SLCO2B1: variants seen among roughly 807,000 people sequenced by gnomAD.
SLCO2B1 encodes solute carrier organic anion transporter family member 2B1, also known as OATP-RP2.
Under a neutral mutation model 67.3 loss-of-function variants are expected in SLCO2B1, and 41 were observed. That is an observed-to-expected ratio of 0.61 (90% confidence interval 0.47 to 0.79). The LOEUF (loss-of-function observed/expected upper bound fraction) is 0.79. Among genes scored for constraint, SLCO2B1 ranks in the 30% least tolerant of loss-of-function variants. SLCO2B1 has a pLI of 0.00. For synonymous variants in SLCO2B1, 379 were observed against 381.4 expected (o/e 0.99, Z 0.07); for missense variants, 837 against 920.1 (o/e 0.91, Z 1.17).
At chr11:75,174,957 A>G (rs1950005749) in intron 7 of SLCO2B1, among the ~76,000 whole-genome samples, 1 of 152,204 alleles carries the variant, frequency 6.6e-6, no homozygotes. Flanking sequence ...TTCCTGGAGC[A>G]ATATCCTGTG....
chr11:75,172,326 G>T (rs1308002421), intron 6 of SLCO2B1, 53 bp from the exon 7 acceptor site: 1 of 1,522,388 alleles, frequency 6.6e-7, no homozygotes, highest in Non-Finnish European at 8.9e-7. Context: ...TGGCGGCTTA[G>T]AAGTGACAGC....
chr11:75,151,911 A>C (rs1345469994), intron 1 of SLCO2B1: 4 of 161,858 alleles, frequency 2.5e-5, no homozygotes, highest in Non-Finnish European at 5.4e-5. Context: ...AGAGACAAAG[A>C]GGCAGGAGAC....
chr11:75,197,451 C>T (rs1427565513), intron 10 of SLCO2B1, among the ~76,000 whole-genome samples: 1 of 152,230 alleles, frequency 6.6e-6, no homozygotes, highest in Non-Finnish European at 1.5e-5. Context: ...TGAAGGAACA[C>T]ACATGCGCAA....
intron 5 of SLCO2B1, 60 bp downstream of exon 5, chr11:75,169,466 G>T: frequency 1.4e-6 from 2 of 1,452,596 alleles, no homozygotes; most frequent in Non-Finnish European, 1.9e-6. Context: ...CTAGGAGGAA[G>T]AGAGACCCAG....
At position 75,200,739 on chromosome 11, in the gene SLCO2B1, T is replaced by A. The variant is rs145248748; in HGVS notation, c.1763+352T>A. The A allele has an allele frequency of 5.5e-3, 1,094 of 197,878 alleles. 18 individuals carry two copies. The highest frequency in any genetic ancestry group is 0.024 in the African/African-American group (1,047 of 43,330). 12.3% of individuals were successfully genotyped at this position (197,878 alleles called of 1,614,324 possible). ...GTCCTGGCCTCTGGAGGTGAGGGCA[T>A]AATACCTGCAATGGATGAGCTGCAG... is the stretch of plus-strand genomic sequence containing the variant. On this transcript the variant is annotated intron_variant, in intron 11 of 13. Transcript: ENST00000289575.
chr11:75,171,291 G>T (rs961395605), intron 6 of SLCO2B1, among the ~76,000 whole-genome samples: 5 of 152,100 alleles, frequency 3.3e-5, no homozygotes, highest in African/African-American at 1.2e-4. Flanking sequence ...TTGAGACAGG[G>T]TCTCACTCTG....
At chr11:75,161,219 A>G (rs1949816088) in intron 1 of SLCO2B1, among the ~76,000 whole-genome samples, 1 of 152,236 alleles carries the variant, frequency 6.6e-6, no homozygotes, top group African/African-American at 2.4e-5. Context: ...GATTTCATTT[A>G]TATGAAATGT....
At chr11:75,198,859 C>A (rs1379489288) in intron 10 of SLCO2B1, among the ~76,000 whole-genome samples, 1 of 152,184 alleles carries the variant, frequency 6.6e-6, no homozygotes, top group Non-Finnish European at 1.5e-5. Context: ...AGGTGTGGAG[C>A]TGAATGCTCT....
chr11:75,204,193 G>C (rs1591841556), intron 13 of SLCO2B1: 1 of 507,644 alleles, frequency 2.0e-6, no homozygotes, highest in African/African-American at 2.0e-5. Flanking sequence ...GCAGAGTCCA[G>C]GACAGGGCGA....
chr11:75,173,994 G>A (rs1191087051), intron 7 of SLCO2B1, among the ~76,000 whole-genome samples: 5 of 151,924 alleles, frequency 3.3e-5, no homozygotes, highest in East Asian at 1.9e-4. Context: ...TAGAGATGGC[G>A]TTTCACCATG....
At chr11:75,194,001 G>C in intron 9 of SLCO2B1, among the ~76,000 whole-genome samples, 1 of 152,168 alleles carries the variant, frequency 6.6e-6, no homozygotes, top group East Asian at 1.9e-4. Flanking sequence ...GGACGAGAGG[G>C]GATGAGAGGG....
chr11:75,189,777 C>A (rs948457284), intron 8 of SLCO2B1, among the ~76,000 whole-genome samples: 4 of 151,826 alleles, frequency 2.6e-5, no homozygotes, highest in Non-Finnish European at 4.4e-5. Context: ...GGAGACCCTG[C>A]CTCTAAAAAA....
At chr11:75,172,757 G>A (rs1275367428) in intron 7 of SLCO2B1, among the ~76,000 whole-genome samples, 188 bp downstream of exon 7, 1 of 151,980 alleles carries the variant, frequency 6.6e-6, no homozygotes, top group African/African-American at 2.4e-5. Context: ...GTGAAACCCC[G>A]TCTCTACTAA....
intron 4 of SLCO2B1, among the ~76,000 whole-genome samples, chr11:75,168,330 T>C (rs1461807677): frequency 6.6e-6 from 1 of 152,148 alleles, no homozygotes; most frequent in Admixed American, 6.5e-5. Flanking sequence ...TTGGTTCACA[T>C]GGCTCTTTGC....
At chr11:75,162,610 T>G in intron 1 of SLCO2B1, 45 bp from the exon 2 acceptor site, 1 of 1,589,676 alleles carries the variant, frequency 6.3e-7, no homozygotes, top group East Asian at 2.2e-5. Flanking sequence ...AGGGCCATTC[T>G]CGGGGATTCT....
chr11:75,168,786 C>T (rs1427485189), intron 4 of SLCO2B1, among the ~76,000 whole-genome samples: 2 of 152,214 alleles, frequency 1.3e-5, no homozygotes, highest in African/African-American at 4.8e-5. Context: ...CCCTCCCCTC[C>T]CTCTTTTTCT....
intron 3 of SLCO2B1, 131 bp downstream of exon 3, chr11:75,164,231 G>A: frequency 2.0e-6 from 2 of 994,442 alleles, no homozygotes; most frequent in South Asian, 1.7e-5. Flanking sequence ...CCCTGTCCCA[G>A]CGCCTGCCTG....
At chr11:75,175,564 AGTTT>A (rs1242903175) in intron 7 of SLCO2B1, among the ~76,000 whole-genome samples, 1 of 152,116 alleles carries the variant, frequency 6.6e-6, no homozygotes, top group Non-Finnish European at 1.5e-5. Context: ...GGAGATTGGC[AGTTT>A]GTAATACAAG....
At chr11:75,182,880 A>G (rs915736121) in intron 7 of SLCO2B1, among the ~76,000 whole-genome samples, 9 of 152,136 alleles carry the variant, frequency 5.9e-5, no homozygotes, top group African/African-American at 1.9e-4. Flanking sequence ...CCCCTTCCTG[A>G]TAAAAAATGT....
Sources: allele counts gnomAD v4.1 joint callset (sites outside exome capture counted in the v4.1 genomes callset), GRCh38; gene constraint gnomAD v4.1.1; transcripts MANE v1.5; gene names NCBI Gene and HGNC (gene_info 2026-07-23, HGNC 2026-07-21).